AFF3: variants seen among roughly 807,000 people sequenced by gnomAD.
The protein encoded by AFF3 is ALF transcription elongation factor 3, also known as AF4/FMR2 family member 3.
AFF3 carries 32 observed loss-of-function variants against 129.7 expected under a neutral mutation model. That is an observed-to-expected ratio of 0.25 (90% CI 0.19 to 0.33). The LOEUF is 0.33. Ranked by LOEUF, AFF3 falls within the 10% of genes least tolerant of loss-of-function variation. AFF3 has a pLI of 1.00. For synonymous variants in AFF3, 644 were observed against 635.4 expected (o/e 1.01, Z -0.20); for missense variants, 1,373 against 1,592.0 (o/e 0.86, Z 2.34).
intron 21 of AFF3, 40 bp downstream of exon 21, chr2:99,560,325 G>A (rs1450545830): frequency 5.0e-6 from 8 of 1,602,820 alleles, no homozygotes; most frequent in South Asian, 3.3e-5. Context: ...GATGGCATGC[G>A]AGGCTGGGGC....
intron 22 of AFF3, among the ~76,000 whole-genome samples, chr2:99,558,597 G>A (rs1675171126): frequency 6.6e-6 from 1 of 152,046 alleles, no homozygotes; most frequent in African/African-American, 2.4e-5. Context: ...TGCAGCCTGG[G>A]CAACAAAGAG....
chr2:99,559,960 T>G (rs1050533444), intron 21 of AFF3, among the ~76,000 whole-genome samples: 3 of 152,238 alleles, frequency 2.0e-5, no homozygotes, highest in Non-Finnish European at 4.4e-5. Flanking sequence ...TGTGGCATCA[T>G]TTTCAAAGTA....
chr2:99,615,684 G>A (rs1370317039), intron 13 of AFF3, among the ~76,000 whole-genome samples: 4 of 152,228 alleles, frequency 2.6e-5, no homozygotes, highest in Admixed American at 6.5e-5. Flanking sequence ...GATGGGAGGC[G>A]CTGCCTCTTT....
In AFF3 at chr2:99,616,353, A is replaced by T. The variant is rs200780933; in HGVS notation, c.1185-14732T>A. 2.2e-4 allele frequency among the ~76,000 whole-genome samples: 34 copies of T among 151,554 alleles called. No homozygotes were observed. The East Asian group carries it at 2.3e-3, about 10-fold the overall frequency. ...CAGAGCTCTTTGACTTTTTTTTTTT[A>T]AAAACATCTTTATTAAGATAAAATT... On this transcript the variant is annotated intron_variant, in intron 13 of 24. Transcript: ENST00000672756.
intron 7 of AFF3, among the ~76,000 whole-genome samples, chr2:99,892,051 T>A (rs1222740659): frequency 6.6e-6 from 1 of 152,204 alleles, no homozygotes; most frequent in Non-Finnish European, 1.5e-5. Context: ...CTCAATCTCC[T>A]GACCTCGTGA....
At chr2:99,942,532 A>G (rs538872306) in intron 7 of AFF3, among the ~76,000 whole-genome samples, 260 of 82,432 alleles carry the variant, frequency 3.2e-3, no homozygotes, top group Admixed American at 5.7e-3. Context: ...ATTATGAATT[A>G]AGTGGGGGGA....
Position 99,983,859 on chromosome 2 carries a change from C to T in AFF3, c.873+22773G>A, listed in dbSNP as rs1402352603. On this transcript the variant is annotated intron_variant, in intron 7 of 24. Transcript: ENST00000672756. ...AGAGCTCCGAAAAGTGCCAGCAGAG[C>T]AGAAAAATTAATGTAAATAACATTA... 2.6e-5 allele frequency among the ~76,000 whole-genome samples: 4 copies of T among 151,254 alleles called. No individual in the cohort carries two copies. The East Asian group carries it at 7.8e-4, about 29-fold the overall frequency.
chr2:99,775,110 GAGA>G (rs1386108734), intron 8 of AFF3, among the ~76,000 whole-genome samples: 2 of 152,292 alleles, frequency 1.3e-5, no homozygotes, highest in South Asian at 2.1e-4. Context: ...CAATGTCGTG[GAGA>G]AGAAGGAATG....
At chr2:99,955,158 G>T (rs929135812) in intron 7 of AFF3, among the ~76,000 whole-genome samples, 4 of 152,064 alleles carry the variant, frequency 2.6e-5, no homozygotes, top group African/African-American at 9.7e-5. Context: ...ATAGTGTTTA[G>T]AAATGCTTCA....
chr2:99,742,478 A>C (rs1246233814), intron 10 of AFF3, among the ~76,000 whole-genome samples: 2 of 152,258 alleles, frequency 1.3e-5, no homozygotes, highest in Non-Finnish European at 2.9e-5. Flanking sequence ...CTTGTAGAAG[A>C]AGCATCCGTT....
chr2:99,783,246 CT>C (rs1442836084), intron 8 of AFF3, among the ~76,000 whole-genome samples: 1 of 152,200 alleles, frequency 6.6e-6, no homozygotes, highest in East Asian at 1.9e-4. Context: ...CTCAAGTCCC[CT>C]TTAATATCCT....
chr2:100,119,260 G>A (rs1311387517), intron 2 of AFF3, among the ~76,000 whole-genome samples: 1 of 152,162 alleles, frequency 6.6e-6, no homozygotes. Flanking sequence ...AAGTGCACTG[G>A]TAAAGTCCCT....
intron 7 of AFF3, among the ~76,000 whole-genome samples, chr2:99,844,856 C>T (rs1689610440): frequency 6.6e-6 from 1 of 152,030 alleles, no homozygotes; most frequent in South Asian, 2.1e-4. Context: ...GATGTGCTGC[C>T]TCTCATTTAC....
At chr2:99,989,659 A>G (rs574375765) in intron 7 of AFF3, among the ~76,000 whole-genome samples, 7 of 152,336 alleles carry the variant, frequency 4.6e-5, no homozygotes, top group African/African-American at 1.7e-4. Flanking sequence ...ATTTTTTTAA[A>G]AAAAGAAAGC....
intron 13 of AFF3, among the ~76,000 whole-genome samples, chr2:99,613,002 T>C (rs1175477544): frequency 6.6e-6 from 1 of 152,230 alleles, no homozygotes; most frequent in African/African-American, 2.4e-5. Flanking sequence ...GATTAAATGG[T>C]TTTTGAACTT....
At chr2:99,699,187 T>C (rs935413695) in intron 11 of AFF3, among the ~76,000 whole-genome samples, 2 of 152,148 alleles carry the variant, frequency 1.3e-5, no homozygotes, top group African/African-American at 4.8e-5. Flanking sequence ...AACCACTGCG[T>C]TTTCCTATGA....
rs940566412 is a variant in AFF3, at chr2:99,756,634, C to A, written c.922-4333G>T. 4.6e-5 allele frequency among the ~76,000 whole-genome samples: 7 copies of A among 152,284 alleles called. 1 individual carries two copies. The East Asian group carries it at 1.4e-3, about 29-fold the overall frequency. On this transcript the variant is annotated intron_variant, in intron 8 of 24. Coordinates refer to ENST00000672756, the MANE Select transcript of AFF3 (RefSeq NM_001386135.1). ...ATCTTTCCTTCTCCACTGGCTTTTT[C>A]CCCCAAGACTGACAAATGATCTCAG...
intron 11 of AFF3, 66 bp downstream of exon 11, chr2:99,727,011 C>G: frequency 7.5e-7 from 1 of 1,327,126 alleles, no homozygotes; most frequent in South Asian, 1.3e-5. Context: ...AAGATACTTG[C>G]ACTATCTCAT....
intron 13 of AFF3, among the ~76,000 whole-genome samples, chr2:99,640,482 A>G (rs1389391534): frequency 6.6e-6 from 1 of 152,174 alleles, no homozygotes; most frequent in Non-Finnish European, 1.5e-5. Context: ...TGCAACTGGG[A>G]AAGCTGAGAC....
Sources: gnomAD v4.1 joint callset for allele counts (sites outside exome capture counted in the v4.1 genomes callset) on GRCh38, gnomAD v4.1.1 for gene constraint, MANE v1.5 for transcripts, NCBI Gene and HGNC (gene_info 2026-07-23, HGNC 2026-07-21) for gene names.